Variants in MYO5A observed in about 807,000 individuals in gnomAD.
MYO5A encodes the protein unconventional myosin-Va.
A neutral mutation model predicts 249.7 loss-of-function variants in MYO5A; 98 were observed. The ratio of observed to expected loss-of-function variants is 0.39; its 90% CI spans 0.33 to 0.46. The LOEUF (loss-of-function observed/expected upper bound fraction) is 0.46. Ranked by LOEUF, MYO5A falls within the 20% of genes least tolerant of loss-of-function variation. MYO5A has a pLI of 0.98. For missense variants in MYO5A, 1,696 were observed against 2,308.8 expected, an observed-to-expected ratio of 0.73 and a Z score of 5.44; for synonymous variants, 778 against 810.6, an observed-to-expected ratio of 0.96 and a Z score of 0.68.
chr15:52,466,153 A>C (rs2076348150), intron 1 of MYO5A, among the ~76,000 whole-genome samples: 1 of 152,190 alleles, frequency 6.6e-6, no homozygotes, highest in Admixed American at 6.5e-5. Context: ...CTGGACACCT[A>C]CAGCAGGACC....
intron 1 of MYO5A, among the ~76,000 whole-genome samples, chr15:52,461,764 C>T (rs1157900481): frequency 6.6e-6 from 1 of 151,646 alleles, no homozygotes; most frequent in Non-Finnish European, 1.5e-5. Flanking sequence ...AGTTTGAGAC[C>T]AGCCTGGCCA....
chr15:52,385,182 C>T (rs1331843159), intron 14 of MYO5A, among the ~76,000 whole-genome samples: 1 of 152,148 alleles, frequency 6.6e-6, no homozygotes, highest in Non-Finnish European at 1.5e-5. Context: ...ACAACAGTGC[C>T]ACATCCCATA....
intron 5 of MYO5A, among the ~76,000 whole-genome samples, chr15:52,411,864 A>G (rs896726537): frequency 3.3e-5 from 5 of 152,200 alleles, no homozygotes; most frequent in Non-Finnish European, 7.3e-5. Context: ...ACACTGCTAT[A>G]TTTTAGATTA....
intron 4 of MYO5A, among the ~76,000 whole-genome samples, chr15:52,423,030 T>A (rs1489728170): frequency 6.6e-6 from 1 of 152,172 alleles, no homozygotes; most frequent in Non-Finnish European, 1.5e-5. Context: ...GCTAATAGTT[T>A]TATTGTTAAT....
chr15:52,392,187 G>A (rs1474579330), intron 11 of MYO5A, 117 bp from the exon 12 acceptor site: 10 of 988,630 alleles, frequency 1.0e-5, no homozygotes, highest in African/African-American at 8.1e-5. Flanking sequence ...ACAACCTCAC[G>A]GGAGAAGCAT....
chr15:52,396,718 T>C (rs764509728), intron 10 of MYO5A, among the ~76,000 whole-genome samples: 2 of 151,982 alleles, frequency 1.3e-5, no homozygotes, highest in Admixed American at 6.6e-5. Flanking sequence ...AATAAAGCCA[T>C]TGCTCTTGTC....
chr15:52,496,706 A>G (rs1244783898), intron 1 of MYO5A, among the ~76,000 whole-genome samples: 1 of 152,242 alleles, frequency 6.6e-6, no homozygotes, highest in Non-Finnish European at 1.5e-5. Context: ...ACCTTAGTAG[A>G]CTATGAGGGC....
intron 4 of MYO5A, among the ~76,000 whole-genome samples, chr15:52,424,968 C>T (rs2075362666): frequency 1.3e-5 from 2 of 152,160 alleles, no homozygotes; most frequent in Admixed American, 1.3e-4. Context: ...AAAATTCACA[C>T]TTTCAGTTGG....
intron 16 of MYO5A, among the ~76,000 whole-genome samples, chr15:52,380,761 C>T (rs575897166): frequency 5.3e-5 from 8 of 152,192 alleles, no homozygotes; most frequent in East Asian, 1.9e-4. Context: ...GGCGAGACTC[C>T]GTCTAAAAAA....
At chr15:52,458,437 T>TG in intron 1 of MYO5A, among the ~76,000 whole-genome samples, 1 of 151,748 alleles carries the variant, frequency 6.6e-6, no homozygotes. Flanking sequence ...AAAATTAGCC[T>TG]GGCATGGTGG....
At position 52,319,310 on chromosome 15, in the gene MYO5A, C is replaced by T. The variant is rs1308807646; in HGVS notation, c.4984G>A (p.Gly1662Ser). ...SGMLEHETIQ[G>S]VSGVKPTGLR... ...CCTGTGGGCTTCACCCCAGACACGC[C>T]CTGAATCGTTTCATGTTCCAGCATG... Residue 1662 changes from glycine (G) to serine (S), a missense_variant, in exon 39 of 42, where the codon GGC becomes AGC. Physicochemically the swap from Gly to Ser is moderately conservative, Grantham distance 56. Transcript: ENST00000399233. 1 of 1,614,060 alleles carries T rather than the reference C, an allele frequency of 6.2e-7. No homozygotes were observed. Among genetic ancestry groups the T allele is most frequent in the Admixed American group, 1.7e-5 (1 of 60,008 alleles).
At chr15:52,505,667 G>A (rs2077254097) in intron 1 of MYO5A, 1 of 1,222,822 alleles carries the variant, frequency 8.2e-7, no homozygotes, top group Non-Finnish European at 1.2e-6. Context: ...AAATTAGAGG[G>A]CGTCAGAAGC....
Position 52,364,583 on chromosome 15 carries a change from C to T in MYO5A, c.3280G>A (p.Asp1094Asn). ...EFSRLEERYDDLKEEMTLMVH... is the reference protein window; with the variant it reads ...EFSRLEERYDNLKEEMTLMVH... ...ATAAGGGTCATCTCTTCCTTGAGGTCATCATATCTTTCTTCCAGGCGACTG... is the reference window on the plus strand; with the variant it reads ...ATAAGGGTCATCTCTTCCTTGAGGTTATCATATCTTTCTTCCAGGCGACTG... Residue 1094 changes from aspartate (D) to asparagine (N), a missense_variant, in exon 24 of 42, where the codon GAC (aspartate) becomes AAC (asparagine). By Grantham distance (23) the Asp-to-Asn change is conservative. This residue lies in a region of MYO5A where 412 missense variants were observed against 453.3 expected (regional missense o/e 0.91). Coordinates refer to ENST00000399233, the MANE Select transcript of MYO5A (RefSeq NM_001382347.1). 1 of 1,613,616 alleles carries T rather than the reference C, an allele frequency of 6.2e-7. No homozygotes were observed. Among genetic ancestry groups the T allele is most frequent in the Non-Finnish European group, 8.5e-7 (1 of 1,179,922 alleles).
intron 5 of MYO5A, among the ~76,000 whole-genome samples, chr15:52,411,428 A>G (rs17651230): frequency 0.15 from 22,870 of 152,230 alleles, 1,828 homozygotes; most frequent in Middle Eastern, 0.22. Context: ...GCTACAGAAT[A>G]CAGAGAATAT....
At chr15:52,471,544 C>A (rs1408334135) in intron 1 of MYO5A, among the ~76,000 whole-genome samples, 1 of 151,308 alleles carries the variant, frequency 6.6e-6, no homozygotes, top group Non-Finnish European at 1.5e-5. Context: ...CGTTTGAGCC[C>A]AGCAACTTGA....
Position 52,404,139 on chromosome 15 carries a change from C to T in MYO5A, c.1053+1148G>A, listed in dbSNP as rs920868632. On this transcript the variant is annotated intron_variant, in intron 9 of 41. Coordinates refer to ENST00000399233, the MANE Select transcript of MYO5A (RefSeq NM_001382347.1). ...AATTAGCTGGGCATGGTGGTGTACA[C>T]CTGTGGTCCCAGCTACTCAGGAGGC... Among the ~76,000 whole-genome samples, 3 of 152,062 alleles carry T rather than the reference C, an allele frequency of 2.0e-5. 1 individual carries two copies. The highest frequency in any genetic ancestry group is 4.4e-5 in the Non-Finnish European group (3 of 68,018).
chr15:52,484,027 G>A (rs1299326033), intron 1 of MYO5A, among the ~76,000 whole-genome samples: 1 of 152,146 alleles, frequency 6.6e-6, no homozygotes, highest in African/African-American at 2.4e-5. Flanking sequence ...GAACTAGAGA[G>A]ACCACTAACA....
Position 52,314,112 on chromosome 15 carries a change from G to A in MYO5A, c.5490+11C>T, listed in dbSNP as rs1421712316. On this transcript the variant is annotated intron_variant, in intron 41 of 41. Coordinates refer to ENST00000399233, the MANE Select transcript of MYO5A (RefSeq NM_001382347.1). ...TGTTGGTGAATCAAAGAAGAAGATG[G>A]GAGCTCTTACCTGTATAGTACGAAT... 5 of 1,588,298 alleles carry A rather than the reference G, an allele frequency of 3.1e-6. No homozygotes were observed. The highest frequency in any genetic ancestry group is 3.5e-6 in the Non-Finnish European group (4 of 1,157,586).
In MYO5A at chr15:52,528,827, G is replaced by GC. The variant is rs756798674; in HGVS notation, c.-22dup. On this transcript the variant is annotated 5_prime_UTR_variant, in exon 1 of 42. Coordinates refer to ENST00000399233, the MANE Select transcript of MYO5A (RefSeq NM_001382347.1). ...GCCATGGCGGGCCCCGCGCGCCTAC[G>GC]CCCCCCGCCTGTGCGGAGGCCGCAC... The GC allele has an allele frequency of 3.5e-5, 52 of 1,474,152 alleles. No individual in the cohort carries two copies. The highest frequency in any genetic ancestry group is 3.8e-5 in the Non-Finnish European group (43 of 1,117,458). The allele number at this position is 1,474,152 out of a possible 1,614,324, so 91.3% of individuals were successfully genotyped here.
Sources: gnomAD v4.1 joint callset for allele counts (sites outside exome capture counted in the v4.1 genomes callset) on GRCh38, gnomAD v4.1.1 for gene constraint, gnomAD v4.1.1 regional missense constraint, MANE v1.5 for transcripts, NCBI Gene and HGNC (gene_info 2026-07-23, HGNC 2026-07-21) for gene names.